The following KDM7A variants were observed in gnomAD, a reference collection of about 807,000 sequenced individuals.
KDM7A encodes the protein lysine demethylase 7A, also known as lysine-specific demethylase 7A.
KDM7A carries 28 observed loss-of-function variants against 114.8 expected under a neutral mutation model. The observed-to-expected ratio is 0.24, with a 90% CI of 0.18 to 0.33. The LOEUF (loss-of-function observed/expected upper bound fraction) is 0.33. KDM7A is among the 10% of genes least tolerant of loss of function. KDM7A has a pLI of 1.00. For missense variants in KDM7A, 942 were observed against 1,142.5 expected (o/e 0.82, Z 2.53); for synonymous variants, 423 against 397.8 (o/e 1.06, Z -0.75).
chr7:140,094,225 T>C (rs1206216044), intron 17 of KDM7A, 87 bp from the exon 18 acceptor site: 7 of 847,468 alleles, frequency 8.3e-6, no homozygotes, highest in Admixed American at 3.5e-5. Context: ...TGAAAGCAGG[T>C]TGGGCGTGAT....
At chr7:140,124,139 G>GT (rs1818660747) in intron 7 of KDM7A, among the ~76,000 whole-genome samples, 1 of 151,730 alleles carries the variant, frequency 6.6e-6, no homozygotes, top group Non-Finnish European at 1.5e-5. Context: ...CCCACATATT[G>GT]TATGATTCCA....
At chr7:140,094,215 T>C (rs2116736287) in intron 17 of KDM7A, 77 bp from the exon 18 acceptor site, 1 of 916,574 alleles carries the variant, frequency 1.1e-6, no homozygotes, top group Admixed American at 1.7e-5. Flanking sequence ...TGCTTAAAAA[T>C]GAAAGCAGGT....
At chr7:140,143,152 C>A (rs1794304407) in intron 1 of KDM7A, among the ~76,000 whole-genome samples, 1 of 149,096 alleles carries the variant, frequency 6.7e-6, no homozygotes. Context: ...TGCACTCCAG[C>A]CCGGGTGACA....
chr7:140,146,184 A>G (rs1423509262), intron 1 of KDM7A, among the ~76,000 whole-genome samples: 1 of 152,236 alleles, frequency 6.6e-6, no homozygotes, highest in Non-Finnish European at 1.5e-5. Context: ...CTGGTAAACT[A>G]GTACATCTGA....
At chr7:140,138,102 G>T (rs1254663352) in intron 2 of KDM7A, among the ~76,000 whole-genome samples, 3 of 152,128 alleles carry the variant, frequency 2.0e-5, no homozygotes, top group Non-Finnish European at 4.4e-5. Flanking sequence ...CTGAGGCAGA[G>T]TTCGAGACCA....
chr7:140,150,777 A>C (rs1310934480), intron 1 of KDM7A, among the ~76,000 whole-genome samples: 1 of 149,172 alleles, frequency 6.7e-6, no homozygotes. Context: ...CCTGAGCCCC[A>C]CCTTTGCTCT....
chr7:140,144,196 T>C (rs545621904), intron 1 of KDM7A, among the ~76,000 whole-genome samples: 1 of 152,304 alleles, frequency 6.6e-6, no homozygotes, highest in East Asian at 1.9e-4. Flanking sequence ...AGTCCAGAAA[T>C]AAACTCTTAC....
In KDM7A at chr7:140,085,493, C is replaced by G. The variant is rs571148093; in HGVS notation, c.*5601G>C. ...ATCTCTTAAAATGAACCTTTTCACCCTCTTTCCACAGCATGAAACTGTTAT... is the reference window on the plus strand; with the variant it reads ...ATCTCTTAAAATGAACCTTTTCACCGTCTTTCCACAGCATGAAACTGTTAT... On this transcript the variant is annotated 3_prime_UTR_variant, in exon 20 of 20. Transcript: ENST00000397560. 6.6e-6 allele frequency: 1 copy of G among 152,242 alleles called. No individual in the cohort carries two copies. The highest frequency in any genetic ancestry group is 2.1e-4 in the South Asian group (1 of 4,820). The allele number at this position is 152,242 out of a possible 1,614,324, so 9.4% of individuals were successfully genotyped here.
chr7:140,154,502 A>G (rs1261381809), intron 1 of KDM7A, among the ~76,000 whole-genome samples: 1 of 149,198 alleles, frequency 6.7e-6, no homozygotes, highest in African/African-American at 2.5e-5. Context: ...TTAAAATTAA[A>G]AAAAAAAAAA....
intron 8 of KDM7A, 133 bp downstream of exon 8, chr7:140,120,309 C>T (rs902173248): frequency 5.6e-6 from 3 of 536,902 alleles, no homozygotes; most frequent in Middle Eastern, 3.2e-4. Context: ...AAGCTTCTAT[C>T]CCTAATAATA....
chr7:140,127,186 C>A (rs574678549), intron 5 of KDM7A, among the ~76,000 whole-genome samples: 1 of 152,314 alleles, frequency 6.6e-6, no homozygotes, highest in Admixed American at 6.5e-5. Flanking sequence ...GTTTTGAACT[C>A]CTGGCCTCAA....
chr7:140,127,621 G>C (rs1818727728), intron 4 of KDM7A, 38 bp from the exon 5 acceptor site: 1 of 1,563,026 alleles, frequency 6.4e-7, no homozygotes, highest in Non-Finnish European at 8.8e-7. Flanking sequence ...TTGGACTTAA[G>C]AGTTACATCA....
rs931518143 is a variant in KDM7A at position 140,095,862 on chromosome 7, G to C, written c.2374+693C>G. ...CCACTACATTCCAGCCTGGGCAGCA[G>C]AGTGAGACAGTCTCAAAATAAATAA... On this transcript the variant is annotated intron_variant, in intron 17 of 19. Transcript: ENST00000397560. 2.6e-5 allele frequency among the ~76,000 whole-genome samples: 4 copies of C among 152,068 alleles called. No homozygotes were observed. In the East Asian group the frequency reaches 7.7e-4, roughly 29 times the overall value.
At chr7:140,108,854 G>T (rs555801808) in intron 11 of KDM7A, among the ~76,000 whole-genome samples, 21 of 152,178 alleles carry the variant, frequency 1.4e-4, no homozygotes, top group Non-Finnish European at 2.6e-4. Flanking sequence ...GTTCAGCTAT[G>T]CCCTGCCCCC....
At chr7:140,099,239 G>A (rs759740798) in intron 13 of KDM7A, among the ~76,000 whole-genome samples, 31 of 152,144 alleles carry the variant, frequency 2.0e-4, no homozygotes, top group Non-Finnish European at 1.6e-4. Flanking sequence ...CTGTTGCCCT[G>A]GCTGGAGTGC....
At chr7:140,110,546 G>C (rs1453831794) in intron 11 of KDM7A, among the ~76,000 whole-genome samples, 2 of 151,894 alleles carry the variant, frequency 1.3e-5, no homozygotes, top group Non-Finnish European at 2.9e-5. Context: ...GACACTAACA[G>C]AACAACCTTC....
At chr7:140,096,505 G>A (rs745429522) in intron 17 of KDM7A, 50 bp downstream of exon 17, 1 of 1,370,146 alleles carries the variant, frequency 7.3e-7, no homozygotes. Context: ...GAGCCATTAA[G>A]TTGGGCAACA....
chr7:140,157,994 AT>A (rs1448565096), intron 1 of KDM7A, among the ~76,000 whole-genome samples: 5 of 137,014 alleles, frequency 3.6e-5, no homozygotes, highest in African/African-American at 1.5e-4. Flanking sequence ...AAATAAATAA[AT>A]AATAATAATA....
chr7:140,147,492 C>T (rs35372923), intron 1 of KDM7A, among the ~76,000 whole-genome samples: 32,996 of 152,034 alleles, frequency 0.22, 4,327 homozygotes, highest in Middle Eastern at 0.29. Flanking sequence ...ATTTATATAT[C>T]GGAAATTTTG....
Sources: gnomAD v4.1 joint callset for allele counts (sites outside exome capture counted in the v4.1 genomes callset) on GRCh38, gnomAD v4.1.1 for gene constraint, MANE v1.5 for transcripts, NCBI Gene and HGNC (gene_info 2026-07-23, HGNC 2026-07-21) for gene names.